Variants in ROR2 observed in about 807,000 individuals in gnomAD.
ROR2 encodes tyrosine-protein kinase transmembrane receptor ROR2.
Under a neutral mutation model 74.9 loss-of-function variants are expected in ROR2, and 33 were observed. That is an observed-to-expected ratio of 0.44 (90% CI 0.33 to 0.59). The LOEUF (loss-of-function observed/expected upper bound fraction) is 0.59, where lower values mean the gene tolerates loss of function less well. Ranked by LOEUF, ROR2 falls within the 20% of genes least tolerant of loss-of-function variation. ROR2 has a pLI of 0.02. For missense variants in ROR2, 1,216 were observed against 1,313.8 expected (o/e 0.93, Z 1.15); for synonymous variants, 586 against 558.7 (o/e 1.05, Z -0.69).
chr9:91,853,423 C>G (rs1829177040), intron 1 of ROR2, among the ~76,000 whole-genome samples: 1 of 152,154 alleles, frequency 6.6e-6, no homozygotes, highest in Admixed American at 6.5e-5. Context: ...AGCAGAAGGT[C>G]CCGGGAGGTG....
In ROR2 at chr9:91,820,306, C is replaced by T. The variant is rs186149507; in HGVS notation, c.98-44488G>A. Among the ~76,000 whole-genome samples, 123 of 152,308 alleles carry T rather than the reference C, an allele frequency of 8.1e-4. 1 individual carries two copies. Among genetic ancestry groups the T allele is most frequent in the African/African-American group, 1.8e-3 (73 of 41,568 alleles). On this transcript the variant is annotated intron_variant, in intron 1 of 8. Coordinates refer to ENST00000375708, the MANE Select transcript of ROR2 (RefSeq NM_004560.4). ...AGACCCGAGCAAAGCCACGCTCCCA[C>T]GGCAGGATGCCCTCTACAAGTCAGC...
At chr9:91,782,584 C>CAAAAA (rs55664591) in intron 1 of ROR2, among the ~76,000 whole-genome samples, 3 of 79,804 alleles carry the variant, frequency 3.8e-5, no homozygotes, top group Non-Finnish European at 4.8e-5. Flanking sequence ...TAGCTGATAG[C>CAAAAA]AAAAAAAAAA....
At chr9:91,825,133 G>T (rs1249465752) in intron 1 of ROR2, among the ~76,000 whole-genome samples, 2 of 152,234 alleles carry the variant, frequency 1.3e-5, no homozygotes, top group African/African-American at 4.8e-5. Context: ...ACCGCTGGCA[G>T]CATGTCTGTA....
chr9:91,917,652 G>A lies in ROR2; in HGVS notation c.97+32215C>T, dbSNP rs181501091. 9.3e-4 allele frequency among the ~76,000 whole-genome samples: 142 copies of A among 152,326 alleles called. 1 individual carries two copies. The highest frequency in any genetic ancestry group is 3.1e-3 in the African/African-American group (129 of 41,570). On this transcript the variant is annotated intron_variant, in intron 1 of 8. Transcript: ENST00000375708. ...ACTTCTGCAGGCTGAGCACAGCAAC[G>A]GTGCTCCCCACATTGGGCAAAACCA...
rs765934325 is a variant in ROR2 at position 91,726,678 on chromosome 9, C to G, written c.1249G>C (p.Val417Leu). The G allele has an allele frequency of 1.2e-6, 2 of 1,613,856 alleles. No individual in the cohort carries two copies. Among genetic ancestry groups the G allele is most frequent in the South Asian group, 2.2e-5 (2 of 91,056 alleles). ...ACCAAGAAGAAAAGGCAAGCGATGA[C>G]CAGTGGAATTGCGATGCTGGGGACC... is the stretch of plus-strand genomic sequence containing the variant. ...ILVPSIAIPL[V>L]IACLFFLVCM... Residue 417 changes from valine to leucine, a missense_variant, in exon 8 of 9, where the codon GTC (valine) becomes CTC (leucine). Val to Leu is a conservative substitution (Grantham distance 32). Transcript: ENST00000375708.
chr9:91,753,673 A>G (rs1825656494), intron 4 of ROR2, among the ~76,000 whole-genome samples: 1 of 152,192 alleles, frequency 6.6e-6, no homozygotes, highest in Non-Finnish European at 1.5e-5. Flanking sequence ...TGCCTGTCAC[A>G]ATGGAACAGT....
At chr9:91,838,916 T>C (rs1828695420) in intron 1 of ROR2, among the ~76,000 whole-genome samples, 3 of 152,120 alleles carry the variant, frequency 2.0e-5, no homozygotes, top group African/African-American at 7.2e-5. Flanking sequence ...CAGCAGAAAC[T>C]AGAGAGAAGT....
chr9:91,911,933 C>CAAAAAAAAAAAAAAAAAAA (rs747087662), intron 1 of ROR2, among the ~76,000 whole-genome samples: 2 of 76,390 alleles, frequency 2.6e-5, no homozygotes, highest in African/African-American at 9.6e-5. Context: ...TGAGTCTAAG[C>CAAAAAAAAAAAAAAAAAAA]AAAAAAAAAA....
At chr9:91,781,593 C>T (rs958491287) in intron 1 of ROR2, among the ~76,000 whole-genome samples, 79 of 152,158 alleles carry the variant, frequency 5.2e-4, no homozygotes, top group Non-Finnish European at 7.3e-5. Context: ...GACACTGCAC[C>T]CTGTGTTTCA....
At chr9:91,909,842 GTTTTGTTTTTTT>G (rs1830915597) in intron 1 of ROR2, among the ~76,000 whole-genome samples, 12 of 55,998 alleles carry the variant, frequency 2.1e-4, no homozygotes, top group East Asian at 1.7e-3. Flanking sequence ...TTTTAGGTTT[GTTTTGTTTTTTT>G]TTTTTTTTTT....
chr9:91,928,438 G>A (rs2117932782), intron 1 of ROR2, among the ~76,000 whole-genome samples: 1 of 152,360 alleles, frequency 6.6e-6, no homozygotes, highest in East Asian at 1.9e-4. Flanking sequence ...CCACCACGGT[G>A]TGGGACTGTG....
chr9:91,806,666 T>C lies in ROR2; in HGVS notation c.98-30848A>G, dbSNP rs1170814955. Among the ~76,000 whole-genome samples, 4 of 152,334 alleles carry C rather than the reference T, an allele frequency of 2.6e-5. 1 individual carries two copies. In the Middle Eastern group the frequency reaches 0.01, roughly 389 times the overall value. On this transcript the variant is annotated intron_variant, in intron 1 of 8. Transcript: ENST00000375708. ...GTGCAGTGGCACGATCTCAGCTTAC[T>C]ACAAGCTCTGCCTCCCGGGTTCACG...
At chr9:91,821,822 A>G (rs1045045950) in intron 1 of ROR2, among the ~76,000 whole-genome samples, 4 of 152,188 alleles carry the variant, frequency 2.6e-5, no homozygotes, top group East Asian at 1.9e-4. Flanking sequence ...CCACTATACT[A>G]TCTACTCAGC....
At chr9:91,874,194 C>T (rs1377393410) in intron 1 of ROR2, among the ~76,000 whole-genome samples, 2 of 152,190 alleles carry the variant, frequency 1.3e-5, no homozygotes, top group Admixed American at 1.3e-4. Context: ...ACTCCACTGA[C>T]ATGAAACCCA....
Position 91,733,487 on chromosome 9 carries a change from G to T in ROR2, c.623-51C>A. 1 of 1,563,060 alleles carries T rather than the reference G, an allele frequency of 6.4e-7. No homozygotes were observed. On this transcript the variant is annotated intron_variant, in intron 5 of 8. Coordinates refer to ENST00000375708, the MANE Select transcript of ROR2 (RefSeq NM_004560.4). The surrounding 1 kb of genome is among the most constrained non-coding windows in gnomAD (Gnocchi z 5.7). Reference sequence around the variant, plus strand: ...AGCGGGGGACCCACCTTGCGCCCTTGACATTCATCCAGTCCCCACCCCCAG... The same window carrying T: ...AGCGGGGGACCCACCTTGCGCCCTTTACATTCATCCAGTCCCCACCCCCAG...
At chr9:91,737,058 G>A (rs1485228331) in intron 5 of ROR2, among the ~76,000 whole-genome samples, 1 of 152,224 alleles carries the variant, frequency 6.6e-6, no homozygotes, top group Admixed American at 6.5e-5. Flanking sequence ...GGCTATCTGC[G>A]CCAGTGTGGC....
At chr9:91,766,594 T>C (rs1177818685) in intron 2 of ROR2, among the ~76,000 whole-genome samples, 2 of 152,348 alleles carry the variant, frequency 1.3e-5, no homozygotes, top group Non-Finnish European at 2.9e-5. Flanking sequence ...CAATATTTCT[T>C]TCTCCATTGG....
chr9:91,797,143 G>A (rs1827208559), intron 1 of ROR2, among the ~76,000 whole-genome samples: 1 of 90,054 alleles, frequency 1.1e-5, no homozygotes, highest in Non-Finnish European at 2.3e-5. Context: ...TGGGCTCTGT[G>A]GGTGGGGAAT....
At chr9:91,909,419 G>C (rs1359748319) in intron 1 of ROR2, among the ~76,000 whole-genome samples, 1 of 152,034 alleles carries the variant, frequency 6.6e-6, no homozygotes, top group Non-Finnish European at 1.5e-5. Context: ...GGAGTGTAGT[G>C]GCCTACAGCC....
Sources: allele counts gnomAD v4.1 joint callset (sites outside exome capture counted in the v4.1 genomes callset), GRCh38; gene constraint gnomAD v4.1.1; non-coding constraint Gnocchi (gnomAD v3.1); transcripts MANE v1.5; gene names NCBI Gene and HGNC (gene_info 2026-07-23, HGNC 2026-07-21).